The following TMEM170B variants were observed in gnomAD, a reference collection of about 807,000 sequenced individuals.
TMEM170B encodes the protein transmembrane protein 170B.
In TMEM170B, 6 loss-of-function variants were observed where a neutral mutation model predicts 13.0. The ratio of observed to expected loss-of-function variants is 0.46; its 90% CI spans 0.25 to 0.91. TMEM170B has a LOEUF of 0.91. TMEM170B is among the 40% of genes least tolerant of loss of function. TMEM170B has a pLI of 0.17. For missense variants in TMEM170B, 138 were observed against 165.2 expected, an observed-to-expected ratio of 0.84 and a Z score of 0.90; for synonymous variants, 61 against 64.9, an observed-to-expected ratio of 0.94 and a Z score of 0.29.
rs1423826024 is a variant in TMEM170B, at chr6:11,582,319, T to C, written c.*6758T>C. On this transcript the variant is annotated 3_prime_UTR_variant, in exon 3 of 3. Coordinates refer to ENST00000379426, the MANE Select transcript of TMEM170B (RefSeq NM_001100829.3). ...AAAGCTAAATGAAGCCTTAGTGCCT[T>C]GAAAGTTAAGATACTTGTGCAAAAT... 1 of 152,170 alleles carries C rather than the reference T, an allele frequency of 6.6e-6. No individual in the cohort carries two copies. The highest frequency in any genetic ancestry group is 1.5e-5 in the Non-Finnish European group (1 of 68,008). 9.4% of individuals were successfully genotyped at this position (152,170 alleles called of 1,614,324 possible).
intron 1 of TMEM170B, among the ~76,000 whole-genome samples, chr6:11,543,682 C>G: frequency 6.6e-6 from 1 of 152,170 alleles, no homozygotes; most frequent in East Asian, 1.9e-4. Flanking sequence ...GGAGCATAGT[C>G]TAGAACCAGT....
Position 11,578,231 on chromosome 6 carries a change from T to C in TMEM170B, c.*2670T>C, listed in dbSNP as rs903456181. The C allele has an allele frequency of 3.9e-5, 6 of 152,152 alleles. No homozygotes were observed. The highest frequency in any genetic ancestry group is 1.4e-4 in the African/African-American group (6 of 41,450). 9.4% of individuals were successfully genotyped at this position (152,152 alleles called of 1,614,324 possible). A position where few individuals can be genotyped will look rare whatever the true frequency, so the allele number is the denominator to read the frequency against. On this transcript the variant is annotated 3_prime_UTR_variant, in exon 3 of 3. Coordinates refer to ENST00000379426, the MANE Select transcript of TMEM170B (RefSeq NM_001100829.3). ...ACTTAATAGAGCTGGAGACCCTTGT[T>C]TGGGACATGACAAAAGTCCTTATTG...
rs572760228 is a variant in TMEM170B, at chr6:11,546,245, A to ATTTTTTT, written c.97+7874_97+7880dup. ...TATGTTTGGGTCTTAGTTTTTAACA[A>ATTTTTTT]TTTTTTTTTAATTTTAGAAGTAGAA... is the stretch of plus-strand genomic sequence containing the variant. On this transcript the variant is annotated intron_variant, in intron 1 of 2. Coordinates refer to ENST00000379426, the MANE Select transcript of TMEM170B (RefSeq NM_001100829.3). Among the ~76,000 whole-genome samples the ATTTTTTT allele has an allele frequency of 4.8e-3, 725 of 151,178 alleles. 4 individuals are homozygous for ATTTTTTT. Among genetic ancestry groups the ATTTTTTT allele is most frequent in the African/African-American group, 0.015 (610 of 41,210 alleles).
intron 1 of TMEM170B, among the ~76,000 whole-genome samples, chr6:11,539,983 C>T (rs1759337471): frequency 1.3e-5 from 2 of 152,102 alleles, no homozygotes. Context: ...TACCTGTAGT[C>T]TTTAAATGTG....
intron 1 of TMEM170B, among the ~76,000 whole-genome samples, chr6:11,542,994 T>C (rs1402257080): frequency 6.6e-6 from 1 of 152,174 alleles, no homozygotes; most frequent in African/African-American, 2.4e-5. Context: ...TAGACCCAAG[T>C]CTTTGCCTCT....
chr6:11,582,176 G>A lies in TMEM170B; in HGVS notation c.*6615G>A, dbSNP rs1759965958. Reference sequence around the variant, plus strand: ...ATCTTGAAAGTTAACTAGCTAAAATGTCTTTATTTAAATAGCAAAAATATA... The same window carrying A: ...ATCTTGAAAGTTAACTAGCTAAAATATCTTTATTTAAATAGCAAAAATATA... On this transcript the variant is annotated 3_prime_UTR_variant, in exon 3 of 3. Coordinates refer to ENST00000379426, the MANE Select transcript of TMEM170B (RefSeq NM_001100829.3). The A allele has an allele frequency of 6.6e-6, 1 of 152,186 alleles. No individual in the cohort carries two copies. Among genetic ancestry groups the A allele is most frequent in the African/African-American group, 2.4e-5 (1 of 41,440 alleles). The allele number at this position is 152,186 out of a possible 1,614,324, so 9.4% of individuals were successfully genotyped here. A position where few individuals can be genotyped will look rare whatever the true frequency, so the allele number is the denominator to read the frequency against.
At chr6:11,543,862 G>A (rs1477390382) in intron 1 of TMEM170B, among the ~76,000 whole-genome samples, 1 of 152,168 alleles carries the variant, frequency 6.6e-6, no homozygotes, top group Non-Finnish European at 1.5e-5. Context: ...ATCCCAATAG[G>A]TGAAGTGGGA....
At chr6:11,557,891 T>C (rs887575896) in intron 1 of TMEM170B, among the ~76,000 whole-genome samples, 29 of 152,184 alleles carry the variant, frequency 1.9e-4, no homozygotes, top group Non-Finnish European at 5.9e-5. Context: ...AAATGGTTAT[T>C]ATTTATTCAT....
intron 1 of TMEM170B, among the ~76,000 whole-genome samples, chr6:11,550,999 T>C (rs537557173): frequency 1.3e-5 from 2 of 152,206 alleles, no homozygotes; most frequent in Non-Finnish European, 2.9e-5. Flanking sequence ...ACAAGACACA[T>C]TTATTTTCTC....
At position 11,565,842 on chromosome 6, in the gene TMEM170B, T is replaced by C; in HGVS notation, c.268+6T>C. The C allele has an allele frequency of 6.2e-7, 1 of 1,614,026 alleles. No individual in the cohort carries two copies. ...AACTGGAGCGATGATTACCAGTAAGTTGATTTTCTTTTGTCTGAGGATGTA... is the reference window on the plus strand; with the variant it reads ...AACTGGAGCGATGATTACCAGTAAGCTGATTTTCTTTTGTCTGAGGATGTA... On this transcript the variant is annotated splice_donor_region_variant and intron_variant, in intron 2 of 2. Transcript: ENST00000379426.
At chr6:11,567,404 T>G (rs1759748677) in intron 2 of TMEM170B, among the ~76,000 whole-genome samples, 1 of 152,232 alleles carries the variant, frequency 6.6e-6, no homozygotes, top group Admixed American at 6.5e-5. Flanking sequence ...CTTCTTCCTT[T>G]CTAGTTGATT....
chr6:11,561,476 C>T (rs1056480468), intron 1 of TMEM170B, among the ~76,000 whole-genome samples: 1 of 152,144 alleles, frequency 6.6e-6, no homozygotes, highest in African/African-American at 2.4e-5. Context: ...TAGGATCCTG[C>T]GGTTCTCTTC....
rs1389246518 is a variant in TMEM170B, at chr6:11,581,370, C to T, written c.*5809C>T. 6.6e-6 allele frequency: 1 copy of T among 152,126 alleles called. No homozygotes were observed. Among genetic ancestry groups the T allele is most frequent in the Non-Finnish European group, 1.5e-5 (1 of 68,016 alleles). The allele number at this position is 152,126 out of a possible 1,614,324, so 9.4% of individuals were successfully genotyped here. On this transcript the variant is annotated 3_prime_UTR_variant, in exon 3 of 3. Coordinates refer to ENST00000379426, the MANE Select transcript of TMEM170B (RefSeq NM_001100829.3). ...GGTTTAGGAAAGAATACTCTTAACCCCTACAGTTATGCAGCTCTAATCTTA... is the reference window on the plus strand; with the variant it reads ...GGTTTAGGAAAGAATACTCTTAACCTCTACAGTTATGCAGCTCTAATCTTA...
intron 1 of TMEM170B, among the ~76,000 whole-genome samples, chr6:11,543,229 C>T (rs1419141130): frequency 2.6e-5 from 4 of 152,102 alleles, no homozygotes; most frequent in Non-Finnish European, 5.9e-5. Context: ...CATTATAGTA[C>T]CTGGCACGTA....
chr6:11,550,263 C>G (rs1198093823), intron 1 of TMEM170B, among the ~76,000 whole-genome samples: 1 of 151,698 alleles, frequency 6.6e-6, no homozygotes, highest in African/African-American at 2.4e-5. Flanking sequence ...ACCTGTGCCT[C>G]CTGAGTTCAA....
At chr6:11,548,817 G>T (rs1412854959) in intron 1 of TMEM170B, among the ~76,000 whole-genome samples, 2 of 151,480 alleles carry the variant, frequency 1.3e-5, no homozygotes, top group South Asian at 4.2e-4. Context: ...GCAAACTGTC[G>T]CAAGGACAGA....
intron 1 of TMEM170B, among the ~76,000 whole-genome samples, chr6:11,555,802 G>A (rs1307947516): frequency 6.6e-6 from 1 of 152,208 alleles, no homozygotes; most frequent in Non-Finnish European, 1.5e-5. Context: ...TCAACAGTGA[G>A]TTGTTTTTCC....
chr6:11,572,048 G>A (rs1218291463), intron 2 of TMEM170B, among the ~76,000 whole-genome samples: 1 of 152,170 alleles, frequency 6.6e-6, no homozygotes, highest in Non-Finnish European at 1.5e-5. Context: ...CTGCCTCTGA[G>A]GATATGGAGT....
chr6:11,559,310 T>TAGTGAGAATCA (rs1400594891), intron 1 of TMEM170B, among the ~76,000 whole-genome samples: 1 of 151,700 alleles, frequency 6.6e-6, no homozygotes, highest in Non-Finnish European at 1.5e-5. Context: ...GATTCTCCCG[T>TAGTGAGAATCA]CTCAGCCTCC....
Sources: allele counts gnomAD v4.1 joint callset (sites outside exome capture counted in the v4.1 genomes callset), GRCh38; gene constraint gnomAD v4.1.1; transcripts MANE v1.5; gene names NCBI Gene and HGNC (gene_info 2026-07-23, HGNC 2026-07-21).